The following GRM5 variants were observed in gnomAD, a reference collection of about 807,000 sequenced individuals.
The protein encoded by GRM5 is metabotropic glutamate receptor 5.
In GRM5, 19 loss-of-function variants were observed where a neutral mutation model predicts 83.1. The ratio of observed to expected loss-of-function variants is 0.23; its 90% CI spans 0.16 to 0.34. GRM5 has a LOEUF of 0.34. GRM5 is among the 10% of genes least tolerant of loss of function. The pLI is 1.00. For missense variants in GRM5, 1,160 were observed against 1,588.3 expected, an observed-to-expected ratio of 0.73 and a Z score of 4.58; for synonymous variants, 675 against 633.6, an observed-to-expected ratio of 1.07 and a Z score of -0.98.
intron 2 of GRM5, among the ~76,000 whole-genome samples, chr11:88,903,844 G>T (rs7940853): frequency 1.3e-5 from 2 of 152,086 alleles, no homozygotes; most frequent in African/African-American, 4.8e-5. Context: ...TGACTTTACC[G>T]CTGTGCAATT....
chr11:88,795,719 A>G (rs2135479757), intron 3 of GRM5, among the ~76,000 whole-genome samples: 1 of 152,278 alleles, frequency 6.6e-6, no homozygotes, highest in African/African-American at 2.4e-5. Context: ...TAATTTGCCA[A>G]AAATCATTTC....
intron 3 of GRM5, among the ~76,000 whole-genome samples, chr11:88,665,413 C>T (rs952329612): frequency 6.6e-6 from 1 of 152,046 alleles, no homozygotes; most frequent in African/African-American, 2.4e-5. Context: ...GGCTCATTTC[C>T]ATTCACATTT....
intron 3 of GRM5, among the ~76,000 whole-genome samples, chr11:88,704,666 T>TTAAA (rs1941113619): frequency 6.6e-6 from 1 of 152,102 alleles, no homozygotes; most frequent in African/African-American, 2.4e-5. Flanking sequence ...TATCTAGACC[T>TTAAA]TAAATAAAAC....
At chr11:89,032,363 A>G (rs192765321) in intron 2 of GRM5, among the ~76,000 whole-genome samples, 78 of 152,236 alleles carry the variant, frequency 5.1e-4, no homozygotes, top group Non-Finnish European at 9.4e-4. Context: ...CAATTATAAT[A>G]GAACATACAT....
At position 88,745,191 on chromosome 11, in the gene GRM5, TA is replaced by T. The variant is rs200732937; in HGVS notation, c.912-91789del. Among the ~76,000 whole-genome samples the T allele has an allele frequency of 2.0e-4, 5 of 25,546 alleles. No individual in the cohort carries two copies. The South Asian group carries it at 0.019, about 95-fold the overall frequency. 16.8% of individuals were successfully genotyped at this position (25,546 alleles called of 152,430 possible). A position where few individuals can be genotyped will look rare whatever the true frequency, so the allele number is the denominator to read the frequency against. ...ACTTCTCCTAATTTTTTTTTCTTTTTATTTTTCTTTTTTTTTTTTTCTGAGA... is the reference window on the plus strand; with the variant it reads ...ACTTCTCCTAATTTTTTTTTCTTTTTTTTTTCTTTTTTTTTTTTTCTGAGA... On this transcript the variant is annotated intron_variant, in intron 3 of 9. Transcript: ENST00000305447.
chr11:88,687,988 A>G (rs1297540769), intron 3 of GRM5, among the ~76,000 whole-genome samples: 1 of 152,116 alleles, frequency 6.6e-6, no homozygotes, highest in Non-Finnish European at 1.5e-5. Context: ...TTTAATTTTT[A>G]ATCTTTTGCT....
chr11:88,876,816 T>G (rs369112138), intron 2 of GRM5, among the ~76,000 whole-genome samples: 1 of 152,136 alleles, frequency 6.6e-6, no homozygotes, highest in East Asian at 1.9e-4. Context: ...TAGATAGGCA[T>G]GATTTGGGAT....
At chr11:88,790,806 G>A (rs1423358027) in intron 3 of GRM5, among the ~76,000 whole-genome samples, 1 of 152,162 alleles carries the variant, frequency 6.6e-6, no homozygotes, top group Non-Finnish European at 1.5e-5. Flanking sequence ...GAGTAAAAAT[G>A]AACACAGTAG....
At chr11:88,643,570 A>G (rs190359346) in intron 4 of GRM5, among the ~76,000 whole-genome samples, 4,242 of 152,282 alleles carry the variant, frequency 0.028, 164 homozygotes, top group East Asian at 0.18. Context: ...GTAACCATGG[A>G]ATCCTTTTCT....
At chr11:88,613,748 T>A (rs1361434748) in intron 4 of GRM5, among the ~76,000 whole-genome samples, 1 of 152,210 alleles carries the variant, frequency 6.6e-6, no homozygotes. Context: ...TAACCATTTT[T>A]AAAGGATCCA....
chr11:88,905,993 C>G (rs1945396059), intron 2 of GRM5, among the ~76,000 whole-genome samples: 1 of 152,084 alleles, frequency 6.6e-6, no homozygotes, highest in Admixed American at 6.6e-5. Flanking sequence ...GATCTGAAAA[C>G]TGTTAAGGAC....
chr11:89,064,256 C>T (rs918787262), intron 1 of GRM5, among the ~76,000 whole-genome samples: 6 of 152,176 alleles, frequency 3.9e-5, no homozygotes, highest in Admixed American at 2.0e-4. Flanking sequence ...TAGCATATGA[C>T]TTGTTCACAA....
In GRM5 at chr11:88,902,014, G is replaced by A. The variant is rs538925270; in HGVS notation, c.662-51859C>T. 2.0e-3 allele frequency among the ~76,000 whole-genome samples: 300 copies of A among 152,140 alleles called. 2 individuals are homozygous for A. The highest frequency in any genetic ancestry group is 6.3e-4 in the Non-Finnish European group (43 of 68,010). Reference sequence around the variant, plus strand: ...TTGCCATCCTTTTCTACATTTCTTAGCATGGCTAAATTCTCTTTATTCTTT... The same window carrying A: ...TTGCCATCCTTTTCTACATTTCTTAACATGGCTAAATTCTCTTTATTCTTT... On this transcript the variant is annotated intron_variant, in intron 2 of 9. Coordinates refer to ENST00000305447, the MANE Select transcript of GRM5 (RefSeq NM_001143831.3).
intron 4 of GRM5, among the ~76,000 whole-genome samples, chr11:88,648,204 G>A (rs968058146): frequency 1.3e-5 from 2 of 151,416 alleles, no homozygotes; most frequent in Non-Finnish European, 3.0e-5. Context: ...ACATGCACAC[G>A]TATGTTTATT....
At chr11:88,743,012 C>T (rs1161070002) in intron 3 of GRM5, among the ~76,000 whole-genome samples, 1 of 152,110 alleles carries the variant, frequency 6.6e-6, no homozygotes, top group Admixed American at 6.6e-5. Flanking sequence ...ATTCTATCAA[C>T]TTCTGAAAAG....
At chr11:88,648,066 C>T (rs1229647742) in intron 4 of GRM5, among the ~76,000 whole-genome samples, 1 of 151,960 alleles carries the variant, frequency 6.6e-6, no homozygotes, top group African/African-American at 2.4e-5. Context: ...GGACTGTAAA[C>T]TAGTTCAACC....
intron 3 of GRM5, among the ~76,000 whole-genome samples, chr11:88,718,748 A>G (rs754191243): frequency 4.0e-5 from 6 of 151,882 alleles, no homozygotes; most frequent in Non-Finnish European, 8.8e-5. Flanking sequence ...AAATTTTTCT[A>G]TAATTTTCTA....
intron 3 of GRM5, among the ~76,000 whole-genome samples, chr11:88,654,980 G>T (rs1013445020): frequency 3.9e-5 from 6 of 151,950 alleles, no homozygotes; most frequent in Non-Finnish European, 7.4e-5. Context: ...TATCATAAGG[G>T]CTTGAGATGA....
At chr11:88,703,470 C>T (rs1354051070) in intron 3 of GRM5, among the ~76,000 whole-genome samples, 1 of 152,028 alleles carries the variant, frequency 6.6e-6, no homozygotes, top group Non-Finnish European at 1.5e-5. Flanking sequence ...CAAACCAAAC[C>T]TAGTTCAATT....
Sources: gnomAD v4.1 joint callset for allele counts (sites outside exome capture counted in the v4.1 genomes callset) on GRCh38, gnomAD v4.1.1 for gene constraint, MANE v1.5 for transcripts, NCBI Gene and HGNC (gene_info 2026-07-23, HGNC 2026-07-21) for gene names.